Variants in FOXP2 observed in about 807,000 individuals in gnomAD.
The protein encoded by FOXP2 is forkhead box protein P2.
A neutral mutation model predicts 115.8 loss-of-function variants in FOXP2; 12 were observed. The ratio of observed to expected loss-of-function variants is 0.10; its 90% CI spans 0.07 to 0.17. The LOEUF is 0.17. Among genes scored for constraint, FOXP2 ranks in the 10% least tolerant of loss-of-function variants. FOXP2 has a pLI of 1.00. For synonymous variants in FOXP2, 328 were observed against 297.7 expected (o/e 1.10, Z -1.05); for missense variants, 629 against 843.5 (o/e 0.75, Z 3.15).
chr7:114,162,518 T>C (rs1259237428), upstream of FOXP2, among the ~76,000 whole-genome samples: 2 of 152,108 alleles, frequency 1.3e-5, no homozygotes, highest in Non-Finnish European at 2.9e-5. Flanking sequence ...CATTTTTTCC[T>C]TTACACTTTT....
Position 114,420,919 on chromosome 7 carries a change from A to G in FOXP2, c.-11+5559A>G, listed in dbSNP as rs190198130. Among the ~76,000 whole-genome samples, 434 of 151,910 alleles carry G rather than the reference A, an allele frequency of 2.9e-3. 4 individuals are homozygous for G. The highest frequency in any genetic ancestry group is 9.8e-3 in the African/African-American group (406 of 41,532). On this transcript the variant is annotated intron_variant, in intron 1 of 16. Coordinates refer to ENST00000350908, the MANE Select transcript of FOXP2 (RefSeq NM_014491.4). The stretch of plus-strand genomic sequence containing the variant: ...ACATTTTTACATGTTTGAGAAATAA[A>G]TATATACAGAAATTATATGAATGTG...
At position 114,310,407 on chromosome 7, in the gene FOXP2, A is replaced by G. The variant is rs560918824; in HGVS notation, c.-11+22298A>G. ...GGCCCTTCCTAGCTTAATAGTCATC[A>G]TGTCCAAGTTGACCCTACCCTCAAA... On this transcript the variant is annotated intron_variant, in intron 2 of 17. Transcript: ENST00000634411. Among the ~76,000 whole-genome samples the G allele has an allele frequency of 1.3e-3, 193 of 152,272 alleles. 1 individual carries two copies. Among genetic ancestry groups the G allele is most frequent in the African/African-American group, 4.3e-3 (177 of 41,536 alleles).
At chr7:114,159,507 A>AAG (rs1792771321), upstream of FOXP2, among the ~76,000 whole-genome samples, 1 of 151,708 alleles carries the variant, frequency 6.6e-6, no homozygotes, top group Non-Finnish European at 1.5e-5. Flanking sequence ...AAAAAGAAAA[A>AAG]AACAGTAATT....
Position 114,294,713 on chromosome 7 carries a change from C to G in FOXP2, c.-11+6604C>G, listed in dbSNP as rs371672360. 2.0e-5 allele frequency among the ~76,000 whole-genome samples: 3 copies of G among 151,754 alleles called. No homozygotes were observed. The East Asian group carries it at 5.8e-4, about 29-fold the overall frequency. On this transcript the variant is annotated intron_variant, in intron 2 of 17. Coordinates refer to the FOXP2 transcript ENST00000634411. ...AAAATCAGCTGGGCATGATGGTGGA[C>G]GCCTGTAATCCCAGCTACTCAGGAG...
intron 1 of FOXP2, among the ~76,000 whole-genome samples, chr7:114,130,072 G>A (rs113131969): frequency 2.0e-5 from 3 of 152,196 alleles, no homozygotes; most frequent in African/African-American, 7.2e-5. Flanking sequence ...CCAGCACATT[G>A]GGAGACAAAG....
intron 2 of FOXP2, among the ~76,000 whole-genome samples, chr7:114,475,392 A>G (rs536992665): frequency 3.3e-5 from 5 of 152,202 alleles, no homozygotes; most frequent in African/African-American, 9.6e-5. Context: ...TGTGAATCAT[A>G]TATTAAGTCA....
intron 2 of FOXP2, among the ~76,000 whole-genome samples, chr7:114,305,639 G>A (rs1282874020): frequency 6.6e-6 from 1 of 152,132 alleles, no homozygotes; most frequent in Non-Finnish European, 1.5e-5. Context: ...ACGGTAAGAA[G>A]TTTAGAACTG....
At chr7:114,482,289 T>C (rs1413767284) in intron 2 of FOXP2, among the ~76,000 whole-genome samples, 3 of 151,500 alleles carry the variant, frequency 2.0e-5, no homozygotes, top group Admixed American at 2.0e-4. Flanking sequence ...CTCAGTGTTA[T>C]GGAGGCTTGT....
chr7:114,444,045 T>A (rs1794724423), intron 2 of FOXP2, among the ~76,000 whole-genome samples: 1 of 152,144 alleles, frequency 6.6e-6, no homozygotes, highest in South Asian at 2.1e-4. Flanking sequence ...ACCATACATT[T>A]TTTACTCACG....
intron 1 of FOXP2, among the ~76,000 whole-genome samples, chr7:114,253,897 T>G (rs1458153839): frequency 6.6e-6 from 1 of 152,226 alleles, no homozygotes; most frequent in East Asian, 1.9e-4. Context: ...TCGATGGTCT[T>G]TACAATTTGG....
chr7:114,466,942 T>C (rs1474400893), intron 2 of FOXP2, among the ~76,000 whole-genome samples: 1 of 152,194 alleles, frequency 6.6e-6, no homozygotes, highest in African/African-American at 2.4e-5. Context: ...AGCTCTGCAA[T>C]GTGTGAAATT....
intron 1 of FOXP2, among the ~76,000 whole-genome samples, chr7:114,202,770 T>C (rs2222747): frequency 0.85 from 129,817 of 152,070 alleles, 56,140 homozygotes; most frequent in Admixed American, 0.93. Flanking sequence ...AATTAGACGT[T>C]TTGAGGATTA....
At chr7:114,363,091 G>T (rs1046827183) in intron 2 of FOXP2, among the ~76,000 whole-genome samples, 1 of 151,916 alleles carries the variant, frequency 6.6e-6, no homozygotes, top group African/African-American at 2.4e-5. Flanking sequence ...GATCTCAATG[G>T]GATAATAGAT....
intron 1 of FOXP2, among the ~76,000 whole-genome samples, chr7:114,253,707 C>T (rs1278150164): frequency 6.6e-6 from 1 of 152,128 alleles, no homozygotes; most frequent in South Asian, 2.1e-4. Flanking sequence ...AGATGGGTCT[C>T]CTGAATACAG....
chr7:114,433,581 G>T (rs529929616), intron 2 of FOXP2, among the ~76,000 whole-genome samples: 2 of 151,524 alleles, frequency 1.3e-5, no homozygotes, highest in African/African-American at 4.8e-5. Flanking sequence ...TTTATTTATC[G>T]TAGTCTTGGA....
At chr7:114,158,885 A>T (rs1331372454), upstream of FOXP2, among the ~76,000 whole-genome samples, 1 of 152,110 alleles carries the variant, frequency 6.6e-6, no homozygotes, top group Non-Finnish European at 1.5e-5. Flanking sequence ...ATCCTATCAG[A>T]TTTACATTCA....
In FOXP2 at chr7:114,377,339, G is replaced by A. The variant is rs530411578; in HGVS notation, c.-10-49163G>A. Among the ~76,000 whole-genome samples the A allele has an allele frequency of 2.0e-4, 31 of 152,254 alleles. No homozygotes were observed. In the East Asian group the frequency reaches 4.4e-3, roughly 22 times the overall value. On this transcript the variant is annotated intron_variant, in intron 2 of 17. Coordinates refer to the FOXP2 transcript ENST00000634411. ...TTATTGGGTAAAAAGGAAAAGTTAA[G>A]AGTTGGAAGTAAACAATTAGCAGAC...
intron 13 of FOXP2, 112 bp from the exon 14 acceptor site, chr7:114,661,953 A>G: frequency 7.5e-7 from 1 of 1,342,156 alleles, no homozygotes; most frequent in African/African-American, 1.5e-5. Context: ...TAATACTTAA[A>G]CATGTTAAGA....
At chr7:114,139,059 G>A (rs1181325793) in intron 1 of FOXP2, among the ~76,000 whole-genome samples, 1 of 152,052 alleles carries the variant, frequency 6.6e-6, no homozygotes, top group African/African-American at 2.4e-5. Flanking sequence ...TATACAACAG[G>A]GGTTACAGGG....
Sources: allele counts gnomAD v4.1 joint callset (sites outside exome capture counted in the v4.1 genomes callset), GRCh38; gene constraint gnomAD v4.1.1; transcripts MANE v1.5; gene names NCBI Gene and HGNC (gene_info 2026-07-23, HGNC 2026-07-21).